DCC: variants seen among roughly 807,000 people sequenced by gnomAD.
DCC encodes netrin receptor DCC.
DCC carries 58 observed loss-of-function variants against 172.5 expected under a neutral mutation model. The observed-to-expected ratio is 0.34, with a 90% CI of 0.27 to 0.42. The LOEUF is 0.42. DCC is among the 10% of genes least tolerant of loss of function. DCC has a pLI of 1.00. For missense variants in DCC, 1,740 were observed against 1,791.0 expected (o/e 0.97, Z 0.51); for synonymous variants, 709 against 644.5 (o/e 1.10, Z -1.52).
intron 27 of DCC, among the ~76,000 whole-genome samples, chr18:53,515,429 G>C (rs1412026290): frequency 6.6e-6 from 1 of 150,474 alleles, no homozygotes; most frequent in Admixed American, 6.8e-5. Flanking sequence ...ATTCAACATA[G>C]TGTTGGAAGT....
chr18:53,523,182 A>G (rs989503420), intron 27 of DCC, among the ~76,000 whole-genome samples: 1 of 152,208 alleles, frequency 6.6e-6, no homozygotes, highest in Admixed American at 6.5e-5. Context: ...ATCACTGGTC[A>G]TTAGAGAAAT....
intron 11 of DCC, 98 bp downstream of exon 11, chr18:53,207,915 C>T (rs954417335): frequency 8.7e-7 from 1 of 1,148,652 alleles, no homozygotes. Flanking sequence ...ATTTTCAAGG[C>T]TTCCTGACTA....
chr18:53,203,200 C>CT (rs139341346), intron 9 of DCC, among the ~76,000 whole-genome samples: 17 of 57,314 alleles, frequency 3.0e-4, no homozygotes, highest in South Asian at 1.2e-3. Flanking sequence ...TATAGATTCT[C>CT]TTGTGTGTGT....
At chr18:53,498,170 A>G (rs1266541326) in intron 26 of DCC, among the ~76,000 whole-genome samples, 2 of 152,210 alleles carry the variant, frequency 1.3e-5, no homozygotes, top group Non-Finnish European at 2.9e-5. Flanking sequence ...GATCTTTTGT[A>G]TCTTAAATCT....
At chr18:53,074,483 G>A (rs1210268978) in intron 7 of DCC, among the ~76,000 whole-genome samples, 1 of 152,116 alleles carries the variant, frequency 6.6e-6, no homozygotes, top group Non-Finnish European at 1.5e-5. Flanking sequence ...ATTAATTGTA[G>A]CTAAGAAGAT....
intron 1 of DCC, among the ~76,000 whole-genome samples, chr18:52,527,861 T>A (rs1253880857): frequency 1.1e-4 from 16 of 152,224 alleles, no homozygotes; most frequent in Admixed American, 1.0e-3. Flanking sequence ...CTCTGACAAC[T>A]CTGGGGAGGG....
chr18:53,234,022 G>A (rs1308042347), intron 12 of DCC, among the ~76,000 whole-genome samples: 1 of 152,110 alleles, frequency 6.6e-6, no homozygotes, highest in African/African-American at 2.4e-5. Context: ...AGGCCGAGGA[G>A]GGCAGATCAC....
intron 5 of DCC, among the ~76,000 whole-genome samples, chr18:52,997,481 C>A (rs2041499988): frequency 6.6e-6 from 1 of 152,028 alleles, no homozygotes; most frequent in Non-Finnish European, 1.5e-5. Context: ...ATTCAGGATT[C>A]ACATATGCCA....
chr18:52,792,166 G>A (rs899769755), intron 2 of DCC, among the ~76,000 whole-genome samples: 1 of 152,016 alleles, frequency 6.6e-6, no homozygotes, highest in African/African-American at 2.4e-5. Flanking sequence ...TCCAGACCAA[G>A]GGCAGAGAGT....
intron 2 of DCC, among the ~76,000 whole-genome samples, chr18:52,879,412 C>CTTTTTTTTGTTTTTTTTTTTTTTTT (rs2039448675): frequency 1.6e-5 from 1 of 62,356 alleles, no homozygotes; most frequent in Non-Finnish European, 2.9e-5. Flanking sequence ...TGTTGTTTGG[C>CTTTTTTTTGTTTTTTTTTTTTTTTT]TTTTTTTTTT....
chr18:53,208,112 T>G (rs901563216), intron 11 of DCC, among the ~76,000 whole-genome samples: 21 of 151,164 alleles, frequency 1.4e-4, no homozygotes, highest in Admixed American at 1.2e-3. Context: ...AATGTTTTTT[T>G]TTTTTTTTTT....
At chr18:53,052,828 A>G (rs2042351388) in intron 5 of DCC, among the ~76,000 whole-genome samples, 1 of 152,012 alleles carries the variant, frequency 6.6e-6, no homozygotes, top group Non-Finnish European at 1.5e-5. Context: ...TCTCCTCAAC[A>G]GTAATTGCAA....
chr18:53,202,758 G>A (rs376101663), intron 9 of DCC, among the ~76,000 whole-genome samples: 100 of 152,220 alleles, frequency 6.6e-4, no homozygotes, highest in African/African-American at 2.2e-3. Context: ...TTGTGCCTCT[G>A]GATGTGATGC....
chr18:52,532,774 G>A (rs548383356), intron 1 of DCC, among the ~76,000 whole-genome samples: 2 of 152,134 alleles, frequency 1.3e-5, no homozygotes, highest in Admixed American at 1.3e-4. Context: ...ACCTGGAGAT[G>A]AACTGTCATG....
chr18:52,733,682 G>A (rs1599057796), intron 1 of DCC, among the ~76,000 whole-genome samples: 1 of 152,016 alleles, frequency 6.6e-6, no homozygotes. Flanking sequence ...TTTTTGTAAA[G>A]ACATGTTCTC....
intron 21 of DCC, among the ~76,000 whole-genome samples, chr18:53,419,803 C>G (rs1424243588): frequency 6.6e-6 from 1 of 151,018 alleles, no homozygotes; most frequent in Non-Finnish European, 1.5e-5. Context: ...AAATCCAACC[C>G]CAGAAACCAC....
intron 2 of DCC, among the ~76,000 whole-genome samples, chr18:52,900,819 G>A (rs148330240): frequency 6.5e-4 from 99 of 152,296 alleles, no homozygotes; most frequent in African/African-American, 2.2e-3. Context: ...TAGGTGTGAA[G>A]GTAGGAACTT....
At chr18:52,904,660 T>C (rs1289836731) in intron 2 of DCC, among the ~76,000 whole-genome samples, 1 of 152,180 alleles carries the variant, frequency 6.6e-6, no homozygotes, top group African/African-American at 2.4e-5. Flanking sequence ...AATTTAAACC[T>C]GGACCTGGGG....
chr18:52,768,143 C>G (rs2037283947), intron 2 of DCC, among the ~76,000 whole-genome samples: 1 of 152,180 alleles, frequency 6.6e-6, no homozygotes, highest in Non-Finnish European at 1.5e-5. Context: ...TCTCCAAGAG[C>G]CTGTCAACAT....
Sources: allele counts gnomAD v4.1 joint callset (sites outside exome capture counted in the v4.1 genomes callset), GRCh38; gene constraint gnomAD v4.1.1; transcripts MANE v1.5; gene names NCBI Gene and HGNC (gene_info 2026-07-23, HGNC 2026-07-21).